Variants in AK9 observed in about 807,000 individuals in gnomAD.
AK9 encodes adenylate kinase domain containing 1.
In AK9, 191 loss-of-function variants were observed where a neutral mutation model predicts 239.6. The observed-to-expected ratio is 0.80, with a 90% CI of 0.71 to 0.90. The LOEUF is 0.90. AK9 is among the 40% of genes least tolerant of loss of function. The pLI, the probability that AK9 is intolerant of heterozygous loss-of-function variation, is 0.00. For synonymous variants in AK9, 689 were observed against 721.0 expected, an observed-to-expected ratio of 0.96 and a Z score of 0.71; for missense variants, 1,995 against 2,214.7, an observed-to-expected ratio of 0.90 and a Z score of 1.99.
At chr6:109,670,072 A>C (rs1314106048) in intron 5 of AK9, among the ~76,000 whole-genome samples, 1 of 152,176 alleles carries the variant, frequency 6.6e-6, no homozygotes, top group African/African-American at 2.4e-5. Context: ...GAAACTCTAC[A>C]AGACAAATGA....
chr6:109,516,263 T>C (rs542509284), intron 30 of AK9, among the ~76,000 whole-genome samples, 167 bp downstream of exon 30: 1 of 152,322 alleles, frequency 6.6e-6, no homozygotes, highest in Admixed American at 6.5e-5. Flanking sequence ...ACGTTGCTCT[T>C]AATTTATGGA....
chr6:109,520,371 G>C (rs1383964069), intron 29 of AK9, among the ~76,000 whole-genome samples: 1 of 152,020 alleles, frequency 6.6e-6, no homozygotes, highest in East Asian at 1.9e-4. Flanking sequence ...ATTGAATAGG[G>C]TATCCTTTCT....
chr6:109,651,756 G>C (rs573106671), intron 8 of AK9, among the ~76,000 whole-genome samples: 2 of 152,260 alleles, frequency 1.3e-5, no homozygotes, highest in African/African-American at 4.8e-5. Context: ...CGATCCCACA[G>C]AAATGCAAAC....
intron 12 of AK9, among the ~76,000 whole-genome samples, chr6:109,619,452 G>T (rs922967392): frequency 6.6e-6 from 1 of 151,846 alleles, no homozygotes; most frequent in Non-Finnish European, 1.5e-5. Flanking sequence ...TAGGATATAT[G>T]TCTATATATG....
intron 21 of AK9, among the ~76,000 whole-genome samples, chr6:109,566,482 A>G (rs1188922309): frequency 6.6e-6 from 1 of 152,214 alleles, no homozygotes; most frequent in Non-Finnish European, 1.5e-5. Flanking sequence ...GGAGTACTAA[A>G]AAACACAAGA....
At chr6:109,671,672 A>G (rs900195372) in intron 5 of AK9, among the ~76,000 whole-genome samples, 17 of 152,216 alleles carry the variant, frequency 1.1e-4, no homozygotes, top group Non-Finnish European at 2.4e-4. Context: ...CAGATTTCTG[A>G]TGCTTTTACT....
chr6:109,576,822 G>C (rs371791680), intron 20 of AK9, among the ~76,000 whole-genome samples: 1 of 149,402 alleles, frequency 6.7e-6, no homozygotes, highest in African/African-American at 2.5e-5. Flanking sequence ...CTGTGGGTTT[G>C]TCATAGATTT....
At chr6:109,562,652 G>A (rs1785926600) in intron 24 of AK9, among the ~76,000 whole-genome samples, 1 of 152,088 alleles carries the variant, frequency 6.6e-6, no homozygotes, top group South Asian at 2.1e-4. Flanking sequence ...CTTTTTGATG[G>A]GGGGGCCAAA....
intron 20 of AK9, 51 bp downstream of exon 20, chr6:109,579,499 T>G: frequency 6.7e-7 from 1 of 1,490,938 alleles, no homozygotes. Context: ...CTGCAATTGC[T>G]TGCAGTAACA....
At chr6:109,677,660 C>T (rs1016596120) in intron 1 of AK9, among the ~76,000 whole-genome samples, 1 of 152,038 alleles carries the variant, frequency 6.6e-6, no homozygotes, top group African/African-American at 2.4e-5. Flanking sequence ...GAATAATTGG[C>T]TATGCATAAA....
chr6:109,679,473 A>T (rs1181509622), intron 1 of AK9, among the ~76,000 whole-genome samples: 2 of 152,066 alleles, frequency 1.3e-5, no homozygotes, highest in East Asian at 3.9e-4. Flanking sequence ...TATAGATAAA[A>T]TTCCTATCTC....
At chr6:109,632,489 G>C in intron 12 of AK9, 4 of 293,296 alleles carry the variant, frequency 1.4e-5, no homozygotes, top group Non-Finnish European at 2.0e-5. Context: ...TGGAGAACAA[G>C]ATTACTGAGG....
intron 8 of AK9, among the ~76,000 whole-genome samples, chr6:109,652,149 T>C (rs1470700516): frequency 6.6e-6 from 1 of 152,046 alleles, no homozygotes; most frequent in Non-Finnish European, 1.5e-5. Flanking sequence ...GATGCAAAAA[T>C]CCTCAATAAA....
intron 25 of AK9, among the ~76,000 whole-genome samples, chr6:109,547,126 A>G (rs1783665332): frequency 6.6e-6 from 1 of 152,186 alleles, no homozygotes; most frequent in Non-Finnish European, 1.5e-5. Context: ...ATGACCCCCA[A>G]CACCAGTGGA....
At chr6:109,634,457 G>A (rs1404210438) in intron 10 of AK9, among the ~76,000 whole-genome samples, 1 of 152,142 alleles carries the variant, frequency 6.6e-6, no homozygotes, top group East Asian at 1.9e-4. Context: ...GAAGAGAGTG[G>A]GCAATGGCGA....
At chr6:109,663,736 G>A (rs1303071632) in intron 5 of AK9, among the ~76,000 whole-genome samples, 1 of 152,328 alleles carries the variant, frequency 6.6e-6, no homozygotes, top group Admixed American at 6.5e-5. Context: ...CTTATTCCAA[G>A]TGCAAGACAG....
intron 3 of AK9, among the ~76,000 whole-genome samples, chr6:109,673,107 T>C (rs829813): frequency 0.45 from 67,836 of 152,060 alleles, 16,725 homozygotes; most frequent in African/African-American, 0.67. Flanking sequence ...AGGAGAGTTG[T>C]TATATCATTA....
intron 31 of AK9, among the ~76,000 whole-genome samples, chr6:109,515,165 C>T (rs146777750): frequency 3.3e-5 from 5 of 152,302 alleles, no homozygotes; most frequent in South Asian, 2.1e-4. Context: ...TATTTTGTAA[C>T]GGCAGCCAGA....
intron 27 of AK9, among the ~76,000 whole-genome samples, chr6:109,534,291 ATTTT>A (rs1781678503): frequency 6.7e-6 from 1 of 149,660 alleles, no homozygotes; most frequent in Non-Finnish European, 1.5e-5. Context: ...ATTTTAATTT[ATTTT>A]ATTTTATTTT....
Sources: allele counts gnomAD v4.1 joint callset (sites outside exome capture counted in the v4.1 genomes callset), GRCh38; gene constraint gnomAD v4.1.1; transcripts MANE v1.5; gene names NCBI Gene and HGNC (gene_info 2026-07-23, HGNC 2026-07-21).